ABHD17A: variants seen among roughly 807,000 people sequenced by gnomAD.
ABHD17A encodes the protein abhydrolase domain containing 17A, depalmitoylase, also known as alpha/beta hydrolase domain-containing protein 17A.
ABHD17A carries 10 observed loss-of-function variants against 26.8 expected under a neutral mutation model. That is an observed-to-expected ratio of 0.37 (90% CI 0.23 to 0.63). The LOEUF (loss-of-function observed/expected upper bound fraction) is 0.63. ABHD17A is among the 30% of genes least tolerant of loss of function. ABHD17A has a pLI of 0.61. For missense variants in ABHD17A, 292 were observed against 457.3 expected (o/e 0.64, Z 3.30); for synonymous variants, 167 against 210.9 (o/e 0.79, Z 1.80).
chr19:1,877,279 T>C lies in ABHD17A; in HGVS notation c.854A>G (p.Asn285Ser), dbSNP rs1275778614. The C allele has an allele frequency of 6.5e-7, 1 of 1,537,896 alleles. No individual in the cohort carries two copies. The highest frequency in any genetic ancestry group is 8.7e-7 in the Non-Finnish European group (1 of 1,146,834). ...EPLWVEGAGH[N>S]DIELYSQYLE... ...GTACTGGCTGTAGAGCTCGATGTCG[T>C]TGTGCCCGGCGCCCTCCACCCACAG... The change falls in exon 5 of 5, where the codon AAC becomes AGC. Residue 285 changes from asparagine (N) to serine (S), a missense_variant. Around this residue, in one of 4 missense-constraint regions of ABHD17A, gnomAD observed 88 missense variants for 134.3 expected, o/e 0.66. Coordinates refer to ENST00000292577, the MANE Select transcript of ABHD17A (RefSeq NM_001130111.2).
chr19:1,878,678 A>ATGCTGCCTGGC (rs1409036716), intron 3 of ABHD17A: 1 of 152,536 alleles, frequency 6.6e-6, no homozygotes, highest in African/African-American at 2.4e-5. Flanking sequence ...GCCCCAAAGG[A>ATGCTGCCTGGC]TGCTGCCTGG....
In ABHD17A at chr19:1,880,665, T is replaced by C. The variant is rs1448891017; in HGVS notation, c.333-550A>G. On this transcript the variant is annotated intron_variant, in intron 2 of 4. Coordinates refer to ENST00000292577, the MANE Select transcript of ABHD17A (RefSeq NM_001130111.2). The surrounding 1 kb of genome is among the most constrained non-coding windows in gnomAD (Gnocchi z 4.1). ...CCCCAACAAGCAAATGCGGCCAATC[T>C]CTGCTCACACTCATGCAGCCCCTCC... 6.6e-6 allele frequency among the ~76,000 whole-genome samples: 1 copy of C among 151,658 alleles called. No homozygotes were observed. The highest frequency in any genetic ancestry group is 1.5e-5 in the Non-Finnish European group (1 of 67,956).
In ABHD17A at chr19:1,877,230, G is replaced by T. The variant is rs2012384284; in HGVS notation, c.903C>A (p.Ile301=). 6.5e-7 allele frequency: 1 copy of T among 1,529,348 alleles called. No homozygotes were observed. The allele number at this position is 1,529,348 out of a possible 1,614,324, so 94.7% of individuals were successfully genotyped here. ...SQYLERLRRF[I]SQELPSQRA ...CGCGCTGGCTGGGCAGCTCCTGGGAGATGAAGCGACGCAGGCGCTCCAGGT... is the reference window on the plus strand; with the variant it reads ...CGCGCTGGCTGGGCAGCTCCTGGGATATGAAGCGACGCAGGCGCTCCAGGT... The change falls in exon 5 of 5, where the codon ATC becomes ATA. Residue 301 remains isoleucine (I), a synonymous_variant. Transcript: ENST00000292577.
chr19:1,884,071 T>G (rs1308292563), intron 1 of ABHD17A, among the ~76,000 whole-genome samples: 1 of 152,158 alleles, frequency 6.6e-6, no homozygotes, highest in Non-Finnish European at 1.5e-5. Flanking sequence ...TGCACCTCAC[T>G]GCCAACGCTC....
rs2145389883 is a variant in ABHD17A at position 1,879,218 on chromosome 19, G to A, written c.527+703C>T. On this transcript the variant is annotated intron_variant, in intron 3 of 4. Transcript: ENST00000292577. The surrounding 1 kb of genome is among the most constrained non-coding windows in gnomAD (Gnocchi z 7.6). Reference sequence around the variant, plus strand: ...CCCTGTGGGAGCAGGTCAGACCAGTGGGCTGGGCAGGGCCAGGACGAGACA... The same window carrying A: ...CCCTGTGGGAGCAGGTCAGACCAGTAGGCTGGGCAGGGCCAGGACGAGACA... 1 of 155,168 alleles carries A rather than the reference G, an allele frequency of 6.4e-6. No individual in the cohort carries two copies. The highest frequency in any genetic ancestry group is 2.0e-4 in the South Asian group (1 of 5,086). The allele number at this position is 155,168 out of a possible 1,614,324, so 9.6% of individuals were successfully genotyped here.
intron 1 of ABHD17A, chr19:1,882,341 A>G (rs2012565396): frequency 1.3e-5 from 2 of 152,376 alleles, no homozygotes; most frequent in Admixed American, 6.5e-5. Context: ...GTCTGGAGAC[A>G]GAGGAAATAC....
chr19:1,881,346 G>C lies in ABHD17A; in HGVS notation c.221C>G (p.Ala74Gly). The C allele has an allele frequency of 3.7e-6, 6 of 1,609,832 alleles. No homozygotes were observed. Among genetic ancestry groups the C allele is most frequent in the Non-Finnish European group, 5.1e-6 (6 of 1,179,636 alleles). ...GRWKLHLTER[A>G]DFQYSQRELD... ...CTCGCGCTGGCTGTACTGGAAGTCG[G>C]CACGCTCCGTCAGGTGCAGCTTCCA... The change falls in exon 2 of 5, where the codon GCC becomes GGC. Residue 74 changes from alanine to glycine, a missense_variant. Physicochemically the swap from Ala to Gly is moderately conservative, Grantham distance 60 (BLOSUM62 0). Coordinates refer to ENST00000292577, the MANE Select transcript of ABHD17A (RefSeq NM_001130111.2).
At chr19:1,881,118 C>T in intron 2 of ABHD17A, 117 bp downstream of exon 2, 1 of 1,566,834 alleles carries the variant, frequency 6.4e-7, no homozygotes, top group Non-Finnish European at 8.7e-7. Context: ...GGCTGGATGG[C>T]CCTTCACGGC....
rs2012546023 is a variant in ABHD17A, at chr19:1,881,789, C to T, written c.-223G>A. On this transcript the variant is annotated 5_prime_UTR_variant, in exon 2 of 5. Coordinates refer to ENST00000292577, the MANE Select transcript of ABHD17A (RefSeq NM_001130111.2). ...GCCTCGCAACCACAGGTCTCCATGT[C>T]GTGCCGTGGGAAGCCCTGCGGGGGA... 3 of 568,576 alleles carry T rather than the reference C, an allele frequency of 5.3e-6. No homozygotes were observed. The highest frequency in any genetic ancestry group is 8.4e-6 in the Non-Finnish European group (3 of 355,676). The allele number at this position is 568,576 out of a possible 1,614,324, so 35.2% of individuals were successfully genotyped here. A position where few individuals can be genotyped will look rare whatever the true frequency, so the allele number is the denominator to read the frequency against.
intron 1 of ABHD17A, chr19:1,883,346 C>T (rs1006636106): frequency 6.6e-6 from 1 of 152,352 alleles, no homozygotes; most frequent in African/African-American, 2.4e-5. Flanking sequence ...AGGACAGACC[C>T]ACCCCAAAGA....
At position 1,881,248 on chromosome 19, in the gene ABHD17A, C is replaced by G. The variant is rs536953984; in HGVS notation, c.319G>C (p.Val107Leu). The change falls in exon 2 of 5, where the codon GTG becomes CTG. Residue 107 changes from valine to leucine, a missense_variant. By Grantham distance (32) the Val-to-Leu change is conservative. Around this residue, in one of 4 missense-constraint regions of ABHD17A, gnomAD observed 171 missense variants for 216.1 expected, o/e 0.79. Transcript: ENST00000292577. ...NRVSCMYVRC[V>L]PGARYTVLFS... is the part of the protein sequence containing the mutation. ...ACAGCTGCTCACCTGGCACCAGGCA[C>G]GCAGCGAACATACATGCAGGAGACG... is the stretch of plus-strand genomic sequence containing the variant. 3 of 1,610,972 alleles carry G rather than the reference C, an allele frequency of 1.9e-6. No individual in the cohort carries two copies. The highest frequency in any genetic ancestry group is 2.2e-5 in the East Asian group (1 of 44,890).
At position 1,881,823 on chromosome 19, in the gene ABHD17A, A is replaced by C; in HGVS notation, c.-238-19T>G. ...GGAAGCCCTGCGGGGGAACAGTGAC[A>C]TGTGGGGTCCTTTGGGGGTGCCACA... On this transcript the variant is annotated intron_variant, in intron 1 of 4. Coordinates refer to ENST00000292577, the MANE Select transcript of ABHD17A (RefSeq NM_001130111.2). 1 of 456,508 alleles carries C rather than the reference A, an allele frequency of 2.2e-6. No homozygotes were observed. Among genetic ancestry groups the C allele is most frequent in the African/African-American group, 2.1e-5 (1 of 47,554 alleles). The allele number at this position is 456,508 out of a possible 1,614,324, so 28.3% of individuals were successfully genotyped here.
Position 1,881,731 on chromosome 19 carries a change from A to G in ABHD17A, c.-165T>C, listed in dbSNP as rs975792298. ...CAGCCCCGTTAGGAGGCCAGGGCCC[A>G]GCCCCATCGCGGTCCAAGCCGAGCC... On this transcript the variant is annotated 5_prime_UTR_variant, in exon 2 of 5. Transcript: ENST00000292577. The G allele has an allele frequency of 9.8e-7, 1 of 1,015,768 alleles. No homozygotes were observed. Among genetic ancestry groups the G allele is most frequent in the African/African-American group, 1.7e-5 (1 of 58,710 alleles). The allele number at this position is 1,015,768 out of a possible 1,614,324, so 62.9% of individuals were successfully genotyped here. A position where few individuals can be genotyped will look rare whatever the true frequency, so the allele number is the denominator to read the frequency against.
Position 1,880,838 on chromosome 19 carries a change from T to G in ABHD17A, c.332+397A>C. 5 of 1,603,530 alleles carry G rather than the reference T, an allele frequency of 3.1e-6. No individual in the cohort carries two copies. Among genetic ancestry groups the G allele is most frequent in the Non-Finnish European group, 3.4e-6 (4 of 1,173,944 alleles). On this transcript the variant is annotated intron_variant, in intron 2 of 4. Coordinates refer to ENST00000292577, the MANE Select transcript of ABHD17A (RefSeq NM_001130111.2). This position sits in a 1 kb window ranked among gnomAD's most constrained non-coding sequence, Gnocchi z 4.1. ...CCTCCAGTTCCCCCAGGCCCCCACC[T>G]AGCCCAGCCAGAAGGTAAAGGCTCG...
chr19:1,880,387 T>C lies in ABHD17A; in HGVS notation c.333-272A>G, dbSNP rs1374057785. The stretch of plus-strand genomic sequence containing the variant: ...GAGGCCAGCCAGGGAGCCTCAGGAT[T>C]CCCATCTGTGAAGCGGGACACTGGG... On this transcript the variant is annotated intron_variant, in intron 2 of 4. Transcript: ENST00000292577. This position sits in a 1 kb window ranked among gnomAD's most constrained non-coding sequence, Gnocchi z 4.1. 6.6e-6 allele frequency among the ~76,000 whole-genome samples: 1 copy of C among 152,130 alleles called. No homozygotes were observed. Among genetic ancestry groups the C allele is most frequent in the African/African-American group, 2.4e-5 (1 of 41,426 alleles).
At chr19:1,885,008 C>T (rs2012638864) in intron 1 of ABHD17A, among the ~76,000 whole-genome samples, 1 of 152,196 alleles carries the variant, frequency 6.6e-6, no homozygotes, top group Non-Finnish European at 1.5e-5. Context: ...TGGGAGCTGC[C>T]TTGGGGGGCG....
intron 3 of ABHD17A, chr19:1,878,004 C>T: frequency 2.5e-6 from 1 of 399,354 alleles, no homozygotes; most frequent in East Asian, 5.2e-5. Flanking sequence ...GCCTCTCCTC[C>T]TCCTGGTCAC....
At chr19:1,884,147 G>A (rs924946376) in intron 1 of ABHD17A, among the ~76,000 whole-genome samples, 2 of 152,038 alleles carry the variant, frequency 1.3e-5, no homozygotes, top group Non-Finnish European at 2.9e-5. Flanking sequence ...TTTTTCACAC[G>A]TTTGGCCAGA....
At chr19:1,878,850 G>A (rs1158495795) in intron 3 of ABHD17A, 6 of 152,280 alleles carry the variant, frequency 3.9e-5, no homozygotes, top group Non-Finnish European at 8.8e-5. Flanking sequence ...ACACATCCCC[G>A]GTGGAGGCCC....
Sources: allele counts gnomAD v4.1 joint callset (sites outside exome capture counted in the v4.1 genomes callset), GRCh38; gene constraint gnomAD v4.1.1; regional missense constraint gnomAD v4.1.1; non-coding constraint Gnocchi (gnomAD v3.1); transcripts MANE v1.5; gene names NCBI Gene and HGNC (gene_info 2026-07-23, HGNC 2026-07-21).